The following KCTD8 variants were observed in gnomAD, a reference collection of about 807,000 sequenced individuals.
The protein encoded by KCTD8 is BTB/POZ domain-containing protein KCTD8.
Under a neutral mutation model 31.5 loss-of-function variants are expected in KCTD8, and 27 were observed. The ratio of observed to expected loss-of-function variants is 0.86; its 90% CI spans 0.63 to 1.18. KCTD8 has a LOEUF of 1.18. Among genes scored for constraint, KCTD8 ranks in the 50% most tolerant of loss-of-function variants. The probability of loss-of-function intolerance (pLI) is 0.00; values close to 1 mark genes in which losing one functional copy is unlikely to be tolerated. For missense variants in KCTD8, 658 were observed against 647.7 expected, an observed-to-expected ratio of 1.02 and a Z score of -0.17; for synonymous variants, 290 against 280.0, an observed-to-expected ratio of 1.04 and a Z score of -0.36.
chr4:44,380,391 C>A (rs533985110), intron 1 of KCTD8, among the ~76,000 whole-genome samples: 3 of 144,458 alleles, frequency 2.1e-5, no homozygotes, highest in Non-Finnish European at 4.5e-5. Flanking sequence ...ATGTTAAAAT[C>A]AATATTGGCA....
intron 1 of KCTD8, among the ~76,000 whole-genome samples, chr4:44,426,398 G>C (rs1203657699): frequency 6.6e-6 from 1 of 151,734 alleles, no homozygotes; most frequent in Non-Finnish European, 1.5e-5. Context: ...TCCAAAATGA[G>C]TGAACAAAAT....
chr4:44,231,924 C>A (rs1715130126), intron 1 of KCTD8, among the ~76,000 whole-genome samples: 1 of 152,012 alleles, frequency 6.6e-6, no homozygotes, highest in South Asian at 2.1e-4. Context: ...ACTCGAGGAC[C>A]AAAACAGAAA....
intron 1 of KCTD8, among the ~76,000 whole-genome samples, chr4:44,236,037 T>A (rs1715281516): frequency 6.6e-6 from 1 of 152,088 alleles, no homozygotes; most frequent in Non-Finnish European, 1.5e-5. Context: ...TCTCCCCACC[T>A]GGAAGGCAAG....
chr4:44,343,922 G>A (rs1244724908), intron 1 of KCTD8, among the ~76,000 whole-genome samples: 3 of 151,768 alleles, frequency 2.0e-5, no homozygotes, highest in African/African-American at 4.8e-5. Flanking sequence ...GCAGTGGCCC[G>A]ATCTCAGCTC....
chr4:44,249,015 T>C (rs1715749507), intron 1 of KCTD8, among the ~76,000 whole-genome samples: 1 of 151,814 alleles, frequency 6.6e-6, no homozygotes, highest in African/African-American at 2.4e-5. Flanking sequence ...TTACCTATTA[T>C]GGAAATGTTA....
intron 1 of KCTD8, among the ~76,000 whole-genome samples, chr4:44,216,484 C>G (rs1254827199): frequency 6.6e-6 from 1 of 152,016 alleles, no homozygotes. Flanking sequence ...ATAGAAGGCA[C>G]TGTTATCATA....
At chr4:44,239,245 G>T (rs866172191) in intron 1 of KCTD8, among the ~76,000 whole-genome samples, 1 of 152,174 alleles carries the variant, frequency 6.6e-6, no homozygotes. Context: ...TGATGTTGTC[G>T]TGGACTCTGA....
chr4:44,192,101 T>C (rs12186322), intron 1 of KCTD8, among the ~76,000 whole-genome samples: 23,119 of 152,154 alleles, frequency 0.15, 1,867 homozygotes, highest in East Asian at 0.25. Flanking sequence ...TTAGGGAAAA[T>C]AGAATATGCA....
At chr4:44,324,062 A>ACAAAG (rs1282119934) in intron 1 of KCTD8, among the ~76,000 whole-genome samples, 9 of 150,910 alleles carry the variant, frequency 6.0e-5, no homozygotes, top group Admixed American at 2.0e-4. Context: ...AAAAAACAAA[A>ACAAAG]CAAAACAAAA....
intron 1 of KCTD8, among the ~76,000 whole-genome samples, chr4:44,339,785 T>C (rs1183345617): frequency 6.6e-6 from 1 of 152,188 alleles, no homozygotes; most frequent in East Asian, 1.9e-4. Flanking sequence ...ATACATAATA[T>C]GCTTCCTGAT....
At chr4:44,382,959 T>C (rs1191861299) in intron 1 of KCTD8, among the ~76,000 whole-genome samples, 1 of 151,610 alleles carries the variant, frequency 6.6e-6, no homozygotes, top group African/African-American at 2.4e-5. Context: ...TTAATCATGT[T>C]CCAAAATACA....
At chr4:44,258,362 G>A (rs1423547203) in intron 1 of KCTD8, among the ~76,000 whole-genome samples, 1 of 151,722 alleles carries the variant, frequency 6.6e-6, no homozygotes, top group African/African-American at 2.4e-5. Flanking sequence ...TATTTAAATG[G>A]GTGAATTTTA....
intron 1 of KCTD8, among the ~76,000 whole-genome samples, chr4:44,420,200 G>C (rs930582603): frequency 6.6e-6 from 1 of 151,420 alleles, no homozygotes; most frequent in Non-Finnish European, 1.5e-5. Context: ...CTTAGAGATA[G>C]AGACAATGAA....
At chr4:44,188,015 A>C (rs994344663) in intron 1 of KCTD8, among the ~76,000 whole-genome samples, 3 of 152,140 alleles carry the variant, frequency 2.0e-5, no homozygotes, top group African/African-American at 7.2e-5. Flanking sequence ...GCACACACAA[A>C]AAAAAAACAG....
intron 1 of KCTD8, among the ~76,000 whole-genome samples, chr4:44,441,341 T>C (rs2109484456): frequency 6.6e-6 from 1 of 152,288 alleles, no homozygotes; most frequent in Admixed American, 6.5e-5. Context: ...TGGACTCAAA[T>C]GCTTTATTTT....
At chr4:44,332,556 A>G (rs1718616171) in intron 1 of KCTD8, among the ~76,000 whole-genome samples, 1 of 152,022 alleles carries the variant, frequency 6.6e-6, no homozygotes, top group Non-Finnish European at 1.5e-5. Context: ...CTGTGACAGT[A>G]CCTTACATTT....
chr4:44,175,708 T>C (rs1015381038), intron 1 of KCTD8, among the ~76,000 whole-genome samples: 1 of 152,200 alleles, frequency 6.6e-6, no homozygotes, highest in African/African-American at 2.4e-5. Context: ...GAAAGTACCA[T>C]TGATATATTT....
chr4:44,298,765 GACA>G (rs1183845498), intron 1 of KCTD8, among the ~76,000 whole-genome samples: 3 of 152,152 alleles, frequency 2.0e-5, no homozygotes, highest in Admixed American at 6.5e-5. Flanking sequence ...AAAGACAGGT[GACA>G]ACATTTCTGG....
At chr4:44,268,108 C>T (rs1290489678) in intron 1 of KCTD8, among the ~76,000 whole-genome samples, 2 of 152,178 alleles carry the variant, frequency 1.3e-5, no homozygotes, top group African/African-American at 4.8e-5. Context: ...AATTTCAGAC[C>T]AATTTCCTTG....
Sources: allele counts gnomAD v4.1 joint callset (sites outside exome capture counted in the v4.1 genomes callset), GRCh38; gene constraint gnomAD v4.1.1; transcripts MANE v1.5; gene names NCBI Gene and HGNC (gene_info 2026-07-23, HGNC 2026-07-21).